TECPR2: variants seen among roughly 807,000 people sequenced by gnomAD.
TECPR2 encodes the protein tectonin beta-propeller repeat-containing protein 2.
TECPR2 carries 65 observed loss-of-function variants against 138.1 expected under a neutral mutation model. That is an observed-to-expected ratio of 0.47 (90% CI 0.39 to 0.58). The LOEUF is 0.58. Ranked by LOEUF, TECPR2 falls within the 20% of genes least tolerant of loss-of-function variation. The probability of loss-of-function intolerance (pLI) is 0.00; values close to 1 mark genes in which losing one functional copy is unlikely to be tolerated. For missense variants in TECPR2, 1,553 were observed against 1,824.5 expected (o/e 0.85, Z 2.71); for synonymous variants, 746 against 749.8 (o/e 0.99, Z 0.08).
At chr14:102,440,685 A>G (rs985442628) in intron 11 of TECPR2, 76 bp downstream of exon 11, 4 of 1,512,058 alleles carry the variant, frequency 2.6e-6, no homozygotes, top group African/African-American at 2.8e-5. Flanking sequence ...TGCTAGTAAC[A>G]TGCTTACCAC....
intron 4 of TECPR2, among the ~76,000 whole-genome samples, chr14:102,413,253 C>T (rs1255314910): frequency 6.6e-6 from 1 of 151,792 alleles, no homozygotes; most frequent in Non-Finnish European, 1.5e-5. Context: ...ATCACTGCCC[C>T]CTACTTCCCT....
intron 17 of TECPR2, among the ~76,000 whole-genome samples, chr14:102,494,254 C>T (rs908077576): frequency 3.3e-5 from 5 of 152,244 alleles, no homozygotes; most frequent in Admixed American, 3.3e-4. Context: ...TAAAATAGCT[C>T]ACTCGTGGCT....
intron 17 of TECPR2, among the ~76,000 whole-genome samples, chr14:102,495,303 C>T (rs931655594): frequency 1.3e-5 from 2 of 152,198 alleles, no homozygotes; most frequent in Non-Finnish European, 2.9e-5. Flanking sequence ...AGTGTTTTGG[C>T]TGCGGAGCTG....
At chr14:102,422,833 T>C (rs905010669) in intron 5 of TECPR2, among the ~76,000 whole-genome samples, 3 of 152,166 alleles carry the variant, frequency 2.0e-5, no homozygotes, top group African/African-American at 7.2e-5. Flanking sequence ...GCTTCATAAC[T>C]GCATGGATAT....
chr14:102,479,016 CAAAAAAAA>C (rs34162369), intron 17 of TECPR2, among the ~76,000 whole-genome samples: 2,655 of 102,112 alleles, frequency 0.026, 96 homozygotes, highest in African/African-American at 0.095. Context: ...GGCCCTGTCT[CAAAAAAAA>C]AAAAAAAAAG....
At chr14:102,406,847 G>GT (rs1888672032) in intron 2 of TECPR2, among the ~76,000 whole-genome samples, 1 of 151,928 alleles carries the variant, frequency 6.6e-6, no homozygotes, top group Non-Finnish European at 1.5e-5. Context: ...TTGTTTTTTG[G>GT]TTTTTTTGTT....
In TECPR2 at chr14:102,434,185, C is replaced by T. The variant is rs765411612; in HGVS notation, c.1418-50C>T. The T allele has an allele frequency of 4.5e-6, 6 of 1,326,366 alleles. No homozygotes were observed. The Admixed American group carries it at 1.4e-4, about 32-fold the overall frequency. 82.2% of individuals were successfully genotyped at this position (1,326,366 alleles called of 1,614,324 possible). A position where few individuals can be genotyped will look rare whatever the true frequency, so the allele number is the denominator to read the frequency against. On this transcript the variant is annotated intron_variant, in intron 8 of 19. Coordinates refer to ENST00000359520, the MANE Select transcript of TECPR2 (RefSeq NM_014844.5). ...AATATGTGTGCAAGTTAGTCTCTTA[C>T]TAATCATATAGAACCGTGCCTTATT...
chr14:102,374,004 G>T (rs557430784), intron 1 of TECPR2, among the ~76,000 whole-genome samples: 1 of 150,594 alleles, frequency 6.6e-6, no homozygotes, highest in South Asian at 2.1e-4. Context: ...CCCAGGAGGC[G>T]AGTGTTGCAG....
At chr14:102,381,212 C>T (rs993420634) in intron 2 of TECPR2, among the ~76,000 whole-genome samples, 2 of 152,176 alleles carry the variant, frequency 1.3e-5, no homozygotes, top group African/African-American at 2.4e-5. Context: ...CCACTCGCTT[C>T]GGCCTCCCAA....
At position 102,435,161 on chromosome 14, in the gene TECPR2, G is replaced by T. The variant is rs1481272183; in HGVS notation, c.2344G>T (p.Asp782Tyr). The change falls in exon 9 of 20, where the codon GAC (aspartate) becomes TAC (tyrosine). Residue 782 changes from aspartate (D) to tyrosine (Y), a missense_variant. By Grantham distance (160) the Asp-to-Tyr change is radical. Coordinates refer to ENST00000359520, the MANE Select transcript of TECPR2 (RefSeq NM_014844.5). ...TELGPSCSQQ[D>Y]LSRLGAEDAG... ...GCTCGGACCTAGTTGCTCCCAGCAG[G>T]ACCTGAGCCGGCTGGGTGCAGAGGA... 6.2e-7 allele frequency: 1 copy of T among 1,613,126 alleles called. No homozygotes were observed.
chr14:102,386,128 A>G (rs1015313349), intron 2 of TECPR2, among the ~76,000 whole-genome samples: 3 of 152,084 alleles, frequency 2.0e-5, no homozygotes, highest in African/African-American at 7.2e-5. Context: ...CCCATTATAT[A>G]TAGGATATCA....
rs1889884466 is a variant in TECPR2, at chr14:102,443,331, A to T, written c.2753-316A>T. 6.6e-6 allele frequency among the ~76,000 whole-genome samples: 1 copy of T among 152,190 alleles called. No homozygotes were observed. Among genetic ancestry groups the T allele is most frequent in the Admixed American group, 6.5e-5 (1 of 15,274 alleles). ...TAGATGTTACATTTAGGCAGAATTTAACCACTTTATGTTGATTAAACTTGA... is the reference window on the plus strand; with the variant it reads ...TAGATGTTACATTTAGGCAGAATTTTACCACTTTATGTTGATTAAACTTGA... On this transcript the variant is annotated intron_variant, in intron 11 of 19. Coordinates refer to ENST00000359520, the MANE Select transcript of TECPR2 (RefSeq NM_014844.5). The surrounding 1 kb of genome is among the most constrained non-coding windows in gnomAD (Gnocchi z 4.9).
At chr14:102,496,796 AGACAAGTGACCAT>A in intron 17 of TECPR2, 170 bp from the exon 18 acceptor site, 1 of 850,262 alleles carries the variant, frequency 1.2e-6, no homozygotes, top group East Asian at 2.7e-5. Flanking sequence ...GACATTCTGG[AGACAAGTGACCAT>A]CTCCCCCGTG....
intron 2 of TECPR2, among the ~76,000 whole-genome samples, chr14:102,405,051 G>A (rs953630098): frequency 1.3e-5 from 2 of 151,290 alleles, no homozygotes; most frequent in Non-Finnish European, 1.5e-5. Context: ...GCTCACACCT[G>A]TAATCCCAGC....
intron 17 of TECPR2, among the ~76,000 whole-genome samples, chr14:102,496,721 C>T (rs1003237911): frequency 5.9e-5 from 9 of 152,234 alleles, no homozygotes; most frequent in South Asian, 2.1e-4. Context: ...CATCCCTGCC[C>T]TTCTTGGCCT....
chr14:102,422,089 T>G (rs1364603498), intron 5 of TECPR2, among the ~76,000 whole-genome samples: 1 of 152,194 alleles, frequency 6.6e-6, no homozygotes, highest in African/African-American at 2.4e-5. Flanking sequence ...TTGAATATGC[T>G]CTCAGCAACC....
At chr14:102,380,339 C>T (rs887734669) in intron 2 of TECPR2, among the ~76,000 whole-genome samples, 1 of 152,242 alleles carries the variant, frequency 6.6e-6, no homozygotes, top group Non-Finnish European at 1.5e-5. Flanking sequence ...GTGGATTTCT[C>T]ATCAGAAACT....
At chr14:102,442,671 C>CA (rs1889866187) in intron 11 of TECPR2, among the ~76,000 whole-genome samples, 1 of 152,186 alleles carries the variant, frequency 6.6e-6, no homozygotes, top group Admixed American at 6.5e-5. Context: ...GGAGACTGCT[C>CA]AGGAGTGTGT....
At chr14:102,378,411 AT>A (rs1436204163) in intron 2 of TECPR2, among the ~76,000 whole-genome samples, 1 of 151,942 alleles carries the variant, frequency 6.6e-6, no homozygotes, top group Non-Finnish European at 1.5e-5. Context: ...TTAAAACATT[AT>A]TTTTTCCTTC....
Sources: allele counts gnomAD v4.1 joint callset (sites outside exome capture counted in the v4.1 genomes callset), GRCh38; gene constraint gnomAD v4.1.1; non-coding constraint Gnocchi (gnomAD v3.1); transcripts MANE v1.5; gene names NCBI Gene and HGNC (gene_info 2026-07-23, HGNC 2026-07-21).